NOTCH3: variants seen among roughly 807,000 people sequenced by gnomAD.
NOTCH3 encodes the protein neurogenic locus notch homolog protein 3.
Under a neutral mutation model 213.3 loss-of-function variants are expected in NOTCH3, and 86 were observed. The ratio of observed to expected loss-of-function variants is 0.40; its 90% CI spans 0.34 to 0.48. NOTCH3 has a LOEUF of 0.48. Ranked by LOEUF, NOTCH3 falls within the 20% of genes least tolerant of loss-of-function variation. The pLI is 0.57. For synonymous variants in NOTCH3, 1,354 were observed against 1,355.9 expected (o/e 1.00, Z 0.03); for missense variants, 2,783 against 3,272.6 (o/e 0.85, Z 3.65).
At position 15,173,354 on chromosome 19, in the gene NOTCH3, G is replaced by A. The variant is rs1339323363; in HGVS notation, c.4736+714C>T. 6.1e-5 allele frequency among the ~76,000 whole-genome samples: 9 copies of A among 147,892 alleles called. No homozygotes were observed. The South Asian group carries it at 1.3e-3, about 21-fold the overall frequency. On this transcript the variant is annotated intron_variant, in intron 25 of 32. Transcript: ENST00000263388. ...GGAGAATGGCATGAACCCGGGAGGC[G>A]GAGCTTGCAGAAAGCCGAGATCGCG...
rs754554486 is a variant in NOTCH3 at position 15,187,186 on chromosome 19, G to A, written c.1759C>T (p.Arg587Cys). The A allele has an allele frequency of 1.5e-5, 25 of 1,613,930 alleles. No homozygotes were observed. In the Admixed American group the frequency reaches 1.8e-4, roughly 12 times the overall value. Residue 587 changes from arginine (R) to cysteine (C), a missense_variant, in exon 11 of 33, where the codon CGC becomes TGC. Arg to Cys is a radical substitution (Grantham distance 180, BLOSUM62 -3). Coordinates refer to ENST00000263388, the MANE Select transcript of NOTCH3 (RefSeq NM_000435.3). ...TRCESQVDEC[R>C]SQPCRHGGKC... ...CCGCCATGGCGGCAGGGCTGGCTGC[G>A]GCATTCGTCCACCTGGCTCTCGCAG...
chr19:15,186,523 G>A (rs1399140074), intron 12 of NOTCH3, among the ~76,000 whole-genome samples: 1 of 151,880 alleles, frequency 6.6e-6, no homozygotes, highest in Non-Finnish European at 1.5e-5. Flanking sequence ...TCCTGCCTCA[G>A]CCTCCCGAGT....
At chr19:15,197,440 C>CG in intron 2 of NOTCH3, 60 bp downstream of exon 2, 7 of 800,694 alleles carry the variant, frequency 8.7e-6, no homozygotes, top group East Asian at 2.6e-5. Flanking sequence ...GAAGACAAAT[C>CG]GCCCCTCCCC....
Position 15,177,721 on chromosome 19 carries a change from G to A in NOTCH3, c.4207C>T (p.Arg1403Cys), listed in dbSNP as rs1235707432. 1 of 1,531,092 alleles carries A rather than the reference G, an allele frequency of 6.5e-7. No individual in the cohort carries two copies. The highest frequency in any genetic ancestry group is 1.2e-5 in the South Asian group (1 of 83,768). The allele number at this position is 1,531,092 out of a possible 1,614,324, so 94.8% of individuals were successfully genotyped here. A position where few individuals can be genotyped will look rare whatever the true frequency, so the allele number is the denominator to read the frequency against. ...CCGCAGCCTGGGCTGTTGCACTCGC[G>A]GTCGCAGCGCTGGTCCCCGCGCTTG... ...QAKRGDQRCD[R>C]ECNSPGCGWD... The change falls in exon 24 of 33, where the codon CGC (arginine) becomes TGC (cysteine). Residue 1403 changes from arginine to cysteine, a missense_variant. By Grantham distance (180) the Arg-to-Cys change is radical (BLOSUM62 -3). Transcript: ENST00000263388.
Position 15,181,802 on chromosome 19 carries a change from C to G in NOTCH3, c.2567-1G>C, listed in dbSNP as rs757692789. 1 of 1,553,890 alleles carries G rather than the reference C, an allele frequency of 6.4e-7. No homozygotes were observed. Among genetic ancestry groups the G allele is most frequent in the South Asian group, 1.2e-5 (1 of 84,296 alleles). On this transcript the variant is annotated splice_acceptor_variant, in intron 16 of 32. Coordinates refer to ENST00000263388, the MANE Select transcript of NOTCH3 (RefSeq NM_000435.3). LOFTEE classifies it high-confidence loss of function. Reference sequence around the variant, plus strand: ...CACGAGCCACCGTTCAGGCATGGGTCTGCGGACAGGAGGAAGGCGGTCTGG... The same window carrying G: ...CACGAGCCACCGTTCAGGCATGGGTGTGCGGACAGGAGGAAGGCGGTCTGG...
intron 1 of NOTCH3, among the ~76,000 whole-genome samples, chr19:15,198,129 G>A (rs1043589703): frequency 1.2e-4 from 18 of 152,176 alleles, no homozygotes; most frequent in East Asian, 3.8e-4. Flanking sequence ...AGCGCTGGGC[G>A]TTGCTGGAAT....
Position 15,181,711 on chromosome 19 carries a change from CG to C in NOTCH3, c.2656del (p.Arg886AlafsTer7). The C allele has an allele frequency of 6.4e-7, 1 of 1,568,050 alleles. No individual in the cohort carries two copies. The highest frequency in any genetic ancestry group is 8.7e-7 in the Non-Finnish European group (1 of 1,155,978). ...GTTGCTCAGGCACTCATCCACATCG[CG>C]GGCGCATCGTGGGCCGGCGAAACCA... ...LPGFAGPRCA[R>X]DVDECLSNPC... On this transcript the variant is annotated frameshift_variant, in exon 17 of 33. Coordinates refer to ENST00000263388, the MANE Select transcript of NOTCH3 (RefSeq NM_000435.3). LOFTEE classifies it high-confidence loss of function.
rs1474899674 is a variant in NOTCH3, at chr19:15,191,693, C to T, written c.803-36G>A. The T allele has an allele frequency of 7.4e-6, 12 of 1,613,376 alleles. 1 individual carries two copies. In the Middle Eastern group the frequency reaches 8.3e-4, roughly 111 times the overall value. On this transcript the variant is annotated intron_variant, in intron 5 of 32. Coordinates refer to ENST00000263388, the MANE Select transcript of NOTCH3 (RefSeq NM_000435.3). ...CAGATGCAGCAGTCCAGCCACCTGGCGCATGTCCACCCGAGGCCTGCCTCC... is the reference window on the plus strand; with the variant it reads ...CAGATGCAGCAGTCCAGCCACCTGGTGCATGTCCACCCGAGGCCTGCCTCC...
chr19:15,174,436 C>T (rs1348216765), intron 24 of NOTCH3, 36 bp from the exon 25 acceptor site: 1 of 1,463,710 alleles, frequency 6.8e-7, no homozygotes. Context: ...GGGGCGGAGT[C>T]AGGGGTCAGA....
chr19:15,165,433 G>T lies in NOTCH3; in HGVS notation c.5750C>A (p.Ala1917Glu). 6.2e-7 allele frequency: 1 copy of T among 1,612,034 alleles called. No homozygotes were observed. The highest frequency in any genetic ancestry group is 1.1e-5 in the South Asian group (1 of 91,074). The change falls in exon 31 of 33, where the codon GCA becomes GAA. Residue 1917 changes from alanine (A) to glutamate (E), a missense_variant. Ala to Glu is a moderately radical substitution (Grantham distance 107). This residue lies in a region of NOTCH3 where 636 missense variants were observed against 801.8 expected (regional missense o/e 0.79). Transcript: ENST00000263388. The surrounding 1 kb of genome is among the most constrained non-coding windows in gnomAD (Gnocchi z 4.7). ...GAGCTCTTCCACCATGCCCTCTACT[G>T]CCAGGCGGGCCGCCAGGATCAGTGC... ...STALILAARLAVEGMVEELIA... is the reference protein window; with the variant it reads ...STALILAARLEVEGMVEELIA...
chr19:15,175,533 T>TAA (rs34762214), intron 24 of NOTCH3, among the ~76,000 whole-genome samples: 24,220 of 43,938 alleles, frequency 0.55, 8,468 homozygotes, highest in Non-Finnish European at 0.7. Context: ...AAATCCTGTC[T>TAA]AAAAAAAAAA....
Position 15,174,181 on chromosome 19 carries a change from G to A in NOTCH3, c.4623C>T (p.Thr1541=), listed in dbSNP as rs540207963. 2 of 1,609,272 alleles carry A rather than the reference G, an allele frequency of 1.2e-6. No individual in the cohort carries two copies. The highest frequency in any genetic ancestry group is 1.3e-5 in the African/African-American group (1 of 75,008). Residue 1541 remains threonine, a synonymous_variant, in exon 25 of 33, where the codon ACC becomes ACT. Transcript: ENST00000263388. ...FLQRLSAILR[T]SLRFRLDAHG... is the part of the protein sequence containing the mutation. ...GCGCGTCCAGGCGGAAGCGCAGCGA[G>A]GTGCGCAGGATGGCGCTGAGCCGCT...
intron 27 of NOTCH3, 21 bp downstream of exon 27, chr19:15,170,310 G>A: frequency 1.2e-6 from 2 of 1,605,906 alleles, no homozygotes; most frequent in East Asian, 2.2e-5. Context: ...GTCAGGGACA[G>A]GGAGCGAGCA....
Position 15,167,275 on chromosome 19 carries a change from C to A in NOTCH3, c.5336G>T (p.Gly1779Val), listed in dbSNP as rs771041592. 1.9e-6 allele frequency: 3 copies of A among 1,613,306 alleles called. No individual in the cohort carries two copies. The East Asian group carries it at 6.7e-5, about 36-fold the overall frequency. Reference protein sequence around the residue: ...TPPQGDADADGMDVNVRGPDG... With the variant: ...TPPQGDADADVMDVNVRGPDG... ...TGGGCCACGCACATTGACATCCATG[C>A]CATCAGCATCTGCGTCGCCCTGTGG... The change falls in exon 29 of 33, where the codon GGC becomes GTC. Residue 1779 changes from glycine to valine, a missense_variant. Coordinates refer to ENST00000263388, the MANE Select transcript of NOTCH3 (RefSeq NM_000435.3).
At position 15,185,412 on chromosome 19, in the gene NOTCH3, G is replaced by A. The variant is rs1228887222; in HGVS notation, c.2145-4C>T. 5.0e-6 allele frequency: 8 copies of A among 1,612,096 alleles called. No individual in the cohort carries two copies. Among genetic ancestry groups the A allele is most frequent in the Non-Finnish European group, 6.8e-6 (8 of 1,179,308 alleles). ...AGGCTCACACACACAGCGGAACCTG[G>A]CAGGGGAAGGTAGTCAGGCCAGGGA... On this transcript the variant is annotated splice_region_variant and splice_polypyrimidine_tract_variant and intron_variant, in intron 13 of 32. Coordinates refer to ENST00000263388, the MANE Select transcript of NOTCH3 (RefSeq NM_000435.3). The surrounding 1 kb of genome is among the most constrained non-coding windows in gnomAD (Gnocchi z 4.2).
At chr19:15,198,757 A>C (rs2046988522) in intron 1 of NOTCH3, among the ~76,000 whole-genome samples, 1 of 152,134 alleles carries the variant, frequency 6.6e-6, no homozygotes, top group African/African-American at 2.4e-5. Context: ...ATCTCCAAAA[A>C]AAAATTAGCT....
At chr19:15,197,441 G>GCGGGGCCCCCCCCCC in intron 2 of NOTCH3, 59 bp downstream of exon 2, 1 of 768,364 alleles carries the variant, frequency 1.3e-6, no homozygotes, top group Non-Finnish European at 2.3e-6. Context: ...AAGACAAATC[G>GCGGGGCCCCCCCCCC]CCCCTCCCCC....
intron 32 of NOTCH3, chr19:15,162,259 G>C (rs1473651508): frequency 1.7e-6 from 1 of 580,742 alleles, no homozygotes; most frequent in African/African-American, 1.9e-5. Context: ...TGGGATTATA[G>C]GCATGAACCA....
intron 6 of NOTCH3, among the ~76,000 whole-genome samples, chr19:15,190,495 C>G (rs2046918542): frequency 6.6e-6 from 1 of 152,180 alleles, no homozygotes; most frequent in African/African-American, 2.4e-5. Flanking sequence ...GGCTTCTGCC[C>G]TGAGCCATGC....
Sources: allele counts gnomAD v4.1 joint callset (sites outside exome capture counted in the v4.1 genomes callset), GRCh38; gene constraint gnomAD v4.1.1; regional missense constraint gnomAD v4.1.1; non-coding constraint Gnocchi (gnomAD v3.1); transcripts MANE v1.5; gene names NCBI Gene and HGNC (gene_info 2026-07-23, HGNC 2026-07-21).